Variants in LRP1B observed in about 807,000 individuals in gnomAD.
LRP1B encodes LDL receptor related protein 1B, also known as low-density lipoprotein receptor-related protein 1B.
Under a neutral mutation model 556.6 loss-of-function variants are expected in LRP1B, and 217 were observed. The observed-to-expected ratio is 0.39, with a 90% confidence interval of 0.35 to 0.44. The LOEUF is 0.44. Among genes scored for constraint, LRP1B ranks in the 20% least tolerant of loss-of-function variants. LRP1B has a pLI of 1.00. For synonymous variants in LRP1B, 2,047 were observed against 1,865.8 expected (o/e 1.10, Z -2.50); for missense variants, 5,053 against 5,620.8 (o/e 0.90, Z 3.23).
At chr2:140,270,476 G>A in intron 85 of LRP1B, 130 bp from the exon 86 acceptor site, 1 of 594,212 alleles carries the variant, frequency 1.7e-6, no homozygotes, top group Non-Finnish European at 3.1e-6. Flanking sequence ...TTAAAAGGAA[G>A]TTTTCAGGAA....
At chr2:140,833,358 G>C (rs534107826) in intron 31 of LRP1B, among the ~76,000 whole-genome samples, 12 of 152,104 alleles carry the variant, frequency 7.9e-5, no homozygotes, top group Non-Finnish European at 1.8e-4. Context: ...CTTTACCATT[G>C]TCACTTGGCA....
intron 7 of LRP1B, among the ~76,000 whole-genome samples, chr2:141,150,823 A>G (rs1186208756): frequency 6.7e-6 from 1 of 149,706 alleles, no homozygotes. Flanking sequence ...CATTATGTAA[A>G]TAACTTCTCT....
intron 1 of LRP1B, among the ~76,000 whole-genome samples, chr2:141,978,090 A>G (rs2105089385): frequency 6.6e-6 from 1 of 152,244 alleles, no homozygotes; most frequent in East Asian, 1.9e-4. Flanking sequence ...TCCTGTATTA[A>G]TTTATTCTCA....
intron 2 of LRP1B, among the ~76,000 whole-genome samples, chr2:141,535,361 A>G (rs894885280): frequency 6.6e-6 from 1 of 152,120 alleles, no homozygotes; most frequent in Non-Finnish European, 1.5e-5. Context: ...GCAGTATGGT[A>G]TTAGTTCATG....
chr2:141,211,309 A>AC (rs1203400815), intron 6 of LRP1B, among the ~76,000 whole-genome samples: 4 of 151,268 alleles, frequency 2.6e-5, no homozygotes, highest in Admixed American at 6.6e-5. Flanking sequence ...TTTTTTAAAA[A>AC]AAAAAAACAA....
chr2:142,081,591 G>A lies in LRP1B; in HGVS notation c.82+49057C>T, dbSNP rs1328244493. Among the ~76,000 whole-genome samples, 4 of 152,222 alleles carry A rather than the reference G, an allele frequency of 2.6e-5. No individual in the cohort carries two copies. The South Asian group carries it at 8.3e-4, about 32-fold the overall frequency. ...AGAATTGGGGAACACTCAGATATTA[G>A]TTCAATTTGAATTTGAGGTTAACAA... On this transcript the variant is annotated intron_variant, in intron 1 of 90. Transcript: ENST00000389484.
intron 66 of LRP1B, among the ~76,000 whole-genome samples, chr2:140,428,745 C>A (rs970647925): frequency 6.6e-6 from 1 of 152,152 alleles, no homozygotes; most frequent in Non-Finnish European, 1.5e-5. Flanking sequence ...ACCGTCTTTT[C>A]AAGGGCCTGT....
chr2:141,908,139 T>G (rs1349202535), intron 1 of LRP1B, among the ~76,000 whole-genome samples: 2 of 152,104 alleles, frequency 1.3e-5, no homozygotes, highest in African/African-American at 4.8e-5. Context: ...ACTATTGCTA[T>G]CATTTATGGA....
intron 2 of LRP1B, among the ~76,000 whole-genome samples, chr2:141,667,910 T>A (rs1690506161): frequency 6.6e-6 from 1 of 152,182 alleles, no homozygotes; most frequent in Admixed American, 6.5e-5. Flanking sequence ...AGATAACCCA[T>A]CTGAGCCTTC....
intron 2 of LRP1B, among the ~76,000 whole-genome samples, chr2:141,624,453 T>C (rs1015693263): frequency 2.0e-5 from 3 of 152,188 alleles, no homozygotes; most frequent in Non-Finnish European, 2.9e-5. Flanking sequence ...TTTATCTTTG[T>C]TTGGAATAGC....
chr2:140,477,779 C>T (rs1688035201), intron 59 of LRP1B, among the ~76,000 whole-genome samples: 1 of 152,142 alleles, frequency 6.6e-6, no homozygotes, highest in African/African-American at 2.4e-5. Context: ...TGTTACATCA[C>T]ACTCAGTAAG....
chr2:141,905,992 ATGTGTGTGTGTGTGTG>A (rs10588603), intron 1 of LRP1B, among the ~76,000 whole-genome samples: 2 of 140,286 alleles, frequency 1.4e-5, no homozygotes, highest in East Asian at 2.2e-4. Context: ...TAGACAAGAG[ATGTGTGTGTGTGTGTG>A]TGTGTGTGTG....
At chr2:140,753,124 C>A (rs745695253) in intron 35 of LRP1B, among the ~76,000 whole-genome samples, 1 of 152,178 alleles carries the variant, frequency 6.6e-6, no homozygotes, top group Non-Finnish European at 1.5e-5. Context: ...TACATCAAAT[C>A]ATTTTTTAAC....
At chr2:140,651,997 T>C (rs1684705877) in intron 41 of LRP1B, among the ~76,000 whole-genome samples, 2 of 152,030 alleles carry the variant, frequency 1.3e-5, no homozygotes, top group Admixed American at 6.6e-5. Flanking sequence ...AGAGAATATA[T>C]TAGAAAATTG....
intron 6 of LRP1B, among the ~76,000 whole-genome samples, chr2:141,198,121 A>G (rs1681830713): frequency 6.6e-6 from 1 of 152,146 alleles, no homozygotes; most frequent in Non-Finnish European, 1.5e-5. Flanking sequence ...ATTTCTTTGC[A>G]GGAACGTTTG....
At chr2:141,057,274 A>G (rs1699203109) in intron 9 of LRP1B, among the ~76,000 whole-genome samples, 2 of 151,744 alleles carry the variant, frequency 1.3e-5, no homozygotes, top group South Asian at 4.1e-4. Context: ...ACAGAGCCCT[A>G]CTTGTTATGG....
At chr2:142,106,146 A>C (rs1015147548) in intron 1 of LRP1B, among the ~76,000 whole-genome samples, 1 of 152,204 alleles carries the variant, frequency 6.6e-6, no homozygotes, top group Non-Finnish European at 1.5e-5. Flanking sequence ...TATTTAGTAT[A>C]TCTGTAAGAA....
chr2:140,871,791 T>A (rs2105163366), intron 25 of LRP1B, among the ~76,000 whole-genome samples: 1 of 152,218 alleles, frequency 6.6e-6, no homozygotes, highest in African/African-American at 2.4e-5. Context: ...TCTGCCTTCT[T>A]TTTTTTCCAC....
chr2:141,309,245 G>C (rs1296642314), intron 3 of LRP1B, among the ~76,000 whole-genome samples: 1 of 152,208 alleles, frequency 6.6e-6, no homozygotes, highest in Non-Finnish European at 1.5e-5. Context: ...GGCAAATCTT[G>C]AAATTTTAGT....
Sources: gnomAD v4.1 joint callset for allele counts (sites outside exome capture counted in the v4.1 genomes callset) on GRCh38, gnomAD v4.1.1 for gene constraint, MANE v1.5 for transcripts, NCBI Gene and HGNC (gene_info 2026-07-23, HGNC 2026-07-21) for gene names.